Variants in ADPRHL1 observed in about 807,000 individuals in gnomAD.
ADPRHL1 encodes inactive ADP-ribosyltransferase ARH2.
In ADPRHL1, 43 loss-of-function variants were observed where a neutral mutation model predicts 44.1. The observed-to-expected ratio is 0.98, with a 90% CI of 0.76 to 1.26. The LOEUF (loss-of-function observed/expected upper bound fraction) is 1.26, where lower values mean the gene tolerates loss of function less well. Ranked by LOEUF, ADPRHL1 falls within the 50% of genes most tolerant of loss-of-function variation. The probability of loss-of-function intolerance (pLI) is 0.00; values close to 1 mark genes in which losing one functional copy is unlikely to be tolerated. For synonymous variants in ADPRHL1, 878 were observed against 1,017.4 expected, an observed-to-expected ratio of 0.86 and a Z score of 2.61; for missense variants, 2,022 against 2,496.9, an observed-to-expected ratio of 0.81 and a Z score of 4.05.
chr13:113,418,570 T>C (rs757574233), intron 7 of ADPRHL1, among the ~76,000 whole-genome samples: 1 of 152,210 alleles, frequency 6.6e-6, no homozygotes, highest in African/African-American at 2.4e-5. Context: ...AGTCTAAACA[T>C]GTGTGTGTTA....
rs886118141 is a variant in ADPRHL1, at chr13:113,405,825, T to C, written c.3457A>G (p.Arg1153Gly). The change falls in exon 8 of 8, where the codon AGA becomes GGA. Residue 1153 changes from arginine to glycine, a missense_variant. This residue lies in a region of ADPRHL1 where 1,221 missense variants were observed against 1,517.8 expected (regional missense o/e 0.80). Coordinates refer to ENST00000612156, the MANE Select transcript of ADPRHL1 (RefSeq NM_001394807.1). ...EPETLGQWGS[R>G]ALSESHPRGE... Reference sequence around the variant, plus strand: ...CTGGGGTGGCTTTCGGACAAGGCTCTGCTTCCCCACTGGCCCAGCGTCTCT... The same window carrying C: ...CTGGGGTGGCTTTCGGACAAGGCTCCGCTTCCCCACTGGCCCAGCGTCTCT... The C allele has an allele frequency of 7.3e-6, 9 of 1,231,742 alleles. No homozygotes were observed. The highest frequency in any genetic ancestry group is 8.4e-5 in the Admixed American group (2 of 23,704). The allele number at this position is 1,231,742 out of a possible 1,614,324, so 76.3% of individuals were successfully genotyped here.
At position 113,409,817 on chromosome 13, in the gene ADPRHL1, A is replaced by T; in HGVS notation, c.1062-1597T>A. The T allele has an allele frequency of 9.5e-6, 7 of 736,150 alleles. No individual in the cohort carries two copies. The highest frequency in any genetic ancestry group is 1.2e-5 in the Non-Finnish European group (7 of 607,764). 45.6% of individuals were successfully genotyped at this position (736,150 alleles called of 1,614,324 possible). A position where few individuals can be genotyped will look rare whatever the true frequency, so the allele number is the denominator to read the frequency against. On this transcript the variant is annotated intron_variant, in intron 7 of 7. Transcript: ENST00000612156. This position sits in a 1 kb window ranked among gnomAD's most constrained non-coding sequence, Gnocchi z 4.2. ...GGCAGGCGAATGGCGTGAACCCAGG[A>T]GGCAGAGCTTGCAGTGAGCCGAGAT...
chr13:113,424,052 G>A (rs2043945365), intron 6 of ADPRHL1, among the ~76,000 whole-genome samples, 165 bp downstream of exon 6: 1 of 152,194 alleles, frequency 6.6e-6, no homozygotes, highest in South Asian at 2.1e-4. Flanking sequence ...ATACCCTGGA[G>A]CCTGTGCCCT....
intron 7 of ADPRHL1, among the ~76,000 whole-genome samples, chr13:113,417,313 G>T (rs1448910728): frequency 1.3e-5 from 2 of 152,242 alleles, no homozygotes; most frequent in Non-Finnish European, 2.9e-5. Flanking sequence ...GAGAGCCAGA[G>T]TGGGGGGTCC....
chr13:113,413,617 G>GC (rs2043871589), intron 7 of ADPRHL1, among the ~76,000 whole-genome samples: 2 of 152,212 alleles, frequency 1.3e-5, no homozygotes, highest in African/African-American at 2.4e-5. Flanking sequence ...CTGAGTGAAC[G>GC]CGTCCTCATG....
At position 113,405,946 on chromosome 13, in the gene ADPRHL1, C is replaced by T. The variant is rs2139593873; in HGVS notation, c.3336G>A (p.Gly1112=). 7.3e-6 allele frequency: 9 copies of T among 1,232,068 alleles called. No individual in the cohort carries two copies. The highest frequency in any genetic ancestry group is 9.1e-6 in the Non-Finnish European group (9 of 988,052). 76.3% of individuals were successfully genotyped at this position (1,232,068 alleles called of 1,614,324 possible). Residue 1112 remains glycine, a synonymous_variant, in exon 8 of 8, where the codon GGG becomes GGA. Coordinates refer to ENST00000612156, the MANE Select transcript of ADPRHL1 (RefSeq NM_001394807.1). ...CAACGCTCCCTGCAGCTGCCATCGC[C>T]CCACAGGCTTTCATACCTGGTTTGG... The part of the protein sequence containing the change: ...EPPKPGMKAC[G]AMAAAGSVAS...
At chr13:113,425,248 GGGGTGGGGA>G in intron 4 of ADPRHL1, 69 bp from the exon 5 acceptor site, 1 of 1,273,020 alleles carries the variant, frequency 7.9e-7, no homozygotes, top group Non-Finnish European at 1.1e-6. Flanking sequence ...CAGGGAGTTG[GGGGTGGGGA>G]GGGTGGGGGC....
intron 1 of ADPRHL1, among the ~76,000 whole-genome samples, chr13:113,449,901 C>A (rs1391513326): frequency 6.6e-6 from 1 of 152,206 alleles, no homozygotes; most frequent in African/African-American, 2.4e-5. Flanking sequence ...CGTCCAAGCT[C>A]TGCCACTCGC....
At chr13:113,447,048 G>C (rs2044145071) in intron 1 of ADPRHL1, among the ~76,000 whole-genome samples, 2 of 146,650 alleles carry the variant, frequency 1.4e-5, no homozygotes, top group African/African-American at 2.5e-5. Flanking sequence ...TACATGCACG[G>C]TGTTGTGTGT....
chr13:113,447,219 ACACGCACGGTGTTGTGTGTGCATGGC>A, intron 1 of ADPRHL1, among the ~76,000 whole-genome samples: 1 of 127,200 alleles, frequency 7.9e-6, no homozygotes, highest in Admixed American at 7.9e-5. Context: ...CATGGCGTCT[ACACGCACGGTGTTGTGTGTGCATGGC>A]GTCTACACGC....
At position 113,407,095 on chromosome 13, in the gene ADPRHL1, C is replaced by G. The variant is rs996056415; in HGVS notation, c.2187G>C (p.Pro729=). The G allele has an allele frequency of 8.1e-7, 1 of 1,232,180 alleles. No homozygotes were observed. Among genetic ancestry groups the G allele is most frequent in the Non-Finnish European group, 1.0e-6 (1 of 988,128 alleles). The allele number at this position is 1,232,180 out of a possible 1,614,324, so 76.3% of individuals were successfully genotyped here. ...CTGATCCGGTGCCCCAAGGGCTGGCCGGTCCCAGTGGGGATGATGCAGGCA... is the reference window on the plus strand; with the variant it reads ...CTGATCCGGTGCCCCAAGGGCTGGCGGGTCCCAGTGGGGATGATGCAGGCA... ...GLVPASSPLG[P]ASPWGTGSAG... is the part of the protein sequence containing the mutation. Residue 729 remains proline (P), a synonymous_variant, in exon 8 of 8, where the codon CCG becomes CCC. Transcript: ENST00000612156.
chr13:113,440,844 T>G (rs1164988566), intron 2 of ADPRHL1, among the ~76,000 whole-genome samples: 1 of 152,170 alleles, frequency 6.6e-6, no homozygotes, highest in Non-Finnish European at 1.5e-5. Context: ...GTTGTTTGTT[T>G]GTTTGCTTGT....
At position 113,403,946 on chromosome 13, in the gene ADPRHL1, T is replaced by G; in HGVS notation, c.5336A>C (p.Gln1779Pro). Residue 1779 changes from glutamine (Q) to proline (P), a missense_variant, in exon 8 of 8, where the codon CAG (glutamine) becomes CCG (proline). Physicochemically the swap from Gln to Pro is moderately conservative, Grantham distance 76. Transcript: ENST00000612156. ...QEWARDRARD[Q>P]GWEQTQIETQ... Reference sequence around the variant, plus strand: ...CTCTATCTGGGTCTGCTCCCAGCCCTGATCCCGAGCCCGATCCCGAGCCCA... The same window carrying G: ...CTCTATCTGGGTCTGCTCCCAGCCCGGATCCCGAGCCCGATCCCGAGCCCA... The G allele has an allele frequency of 3.1e-6, 4 of 1,296,000 alleles. No homozygotes were observed. The East Asian group carries it at 1.2e-4, about 40-fold the overall frequency. 80.3% of individuals were successfully genotyped at this position (1,296,000 alleles called of 1,614,324 possible). A position where few individuals can be genotyped will look rare whatever the true frequency, so the allele number is the denominator to read the frequency against.
chr13:113,405,029 C>A lies in ADPRHL1; in HGVS notation c.4253G>T (p.Trp1418Leu). 8.1e-7 allele frequency: 1 copy of A among 1,232,890 alleles called. No homozygotes were observed. The allele number at this position is 1,232,890 out of a possible 1,614,324, so 76.4% of individuals were successfully genotyped here. A position where few individuals can be genotyped will look rare whatever the true frequency, so the allele number is the denominator to read the frequency against. ...TTTGTCCCCGGCCAGATCCTGTGCC[C>A]ACCATGTCTGAGGCTCTTTTGCTGG... ...LNPAKEPQTW[W>L]AQDLAGDKGM... Residue 1418 changes from tryptophan (W) to leucine (L), a missense_variant, in exon 8 of 8, where the codon TGG (tryptophan) becomes TTG (leucine). Coordinates refer to ENST00000612156, the MANE Select transcript of ADPRHL1 (RefSeq NM_001394807.1).
chr13:113,437,960 A>G (rs1196744780), intron 2 of ADPRHL1, among the ~76,000 whole-genome samples: 1 of 152,178 alleles, frequency 6.6e-6, no homozygotes, highest in Non-Finnish European at 1.5e-5. Flanking sequence ...CCTCCTGAGT[A>G]GCTGGGATTA....
chr13:113,405,487 AGC>A lies in ADPRHL1; in HGVS notation c.3793_3794del (p.Ala1265PhefsTer2), dbSNP rs2043801114. 3.2e-6 allele frequency: 4 copies of A among 1,231,828 alleles called. No individual in the cohort carries two copies. The highest frequency in any genetic ancestry group is 4.2e-5 in the Admixed American group (1 of 23,716). The allele number at this position is 1,231,828 out of a possible 1,614,324, so 76.3% of individuals were successfully genotyped here. A position where few individuals can be genotyped will look rare whatever the true frequency, so the allele number is the denominator to read the frequency against. ...TTGCCTGTGGCCTAGGATGATCAGA[AGC>A]AGGAATTCCAGACTCTGTGCTGAAA... ...LGFSTESGIP[A>X]SDHPRPQARS... On this transcript the variant is annotated frameshift_variant, in exon 8 of 8. Transcript: ENST00000612156. LOFTEE classifies it low-confidence loss of function (END_TRUNC).
chr13:113,451,080 G>A (rs772147077), intron 1 of ADPRHL1, among the ~76,000 whole-genome samples: 29 of 152,184 alleles, frequency 1.9e-4, no homozygotes, highest in South Asian at 4.1e-4. Context: ...AGACCAAGGA[G>A]CCATCTGGTG....
chr13:113,432,846 G>A (rs371623419), intron 3 of ADPRHL1, among the ~76,000 whole-genome samples: 1 of 152,214 alleles, frequency 6.6e-6, no homozygotes, highest in Non-Finnish European at 1.5e-5. Flanking sequence ...GCGGTGCCAG[G>A]ACTAAGGGCC....
In ADPRHL1 at chr13:113,403,303, G is replaced by C; in HGVS notation, c.*75C>G. ...GGGGATGCTCCAAGACGCATTTGGA[G>C]GCAGGAAAATGCCTGAAGTCCCTCA... On this transcript the variant is annotated 3_prime_UTR_variant, in exon 8 of 8. Coordinates refer to ENST00000612156, the MANE Select transcript of ADPRHL1 (RefSeq NM_001394807.1). 1 of 1,180,950 alleles carries C rather than the reference G, an allele frequency of 8.5e-7. No individual in the cohort carries two copies. The allele number at this position is 1,180,950 out of a possible 1,614,324, so 73.2% of individuals were successfully genotyped here. A position where few individuals can be genotyped will look rare whatever the true frequency, so the allele number is the denominator to read the frequency against.
Sources: allele counts gnomAD v4.1 joint callset (sites outside exome capture counted in the v4.1 genomes callset), GRCh38; gene constraint gnomAD v4.1.1; regional missense constraint gnomAD v4.1.1; non-coding constraint Gnocchi (gnomAD v3.1); transcripts MANE v1.5; gene names NCBI Gene and HGNC (gene_info 2026-07-23, HGNC 2026-07-21).